Variants in GALNT11 observed in about 807,000 individuals in gnomAD.
The protein encoded by GALNT11 is polypeptide N-acetylgalactosaminyltransferase 11, also known as UDP-GalNAc:polypeptide N-acetylgalactosaminyltransferase 11.
GALNT11 carries 47 observed loss-of-function variants against 72.7 expected under a neutral mutation model. That is an observed-to-expected ratio of 0.65 (90% CI 0.51 to 0.82). The LOEUF is 0.82. Among genes scored for constraint, GALNT11 ranks in the 40% least tolerant of loss-of-function variants. The probability of loss-of-function intolerance (pLI) is 0.00; values close to 1 mark genes in which losing one functional copy is unlikely to be tolerated. For missense variants in GALNT11, 677 were observed against 778.4 expected (o/e 0.87, Z 1.55); for synonymous variants, 270 against 286.6 (o/e 0.94, Z 0.58).
intron 8 of GALNT11, among the ~76,000 whole-genome samples, chr7:152,114,024 G>T (rs533346968): frequency 6.6e-6 from 1 of 151,354 alleles, no homozygotes; most frequent in Non-Finnish European, 1.5e-5. Context: ...TTGGCCTCCC[G>T]AAGTGCTGGG....
intron 1 of GALNT11, among the ~76,000 whole-genome samples, chr7:152,045,371 C>T (rs926065905): frequency 6.6e-6 from 1 of 152,086 alleles, no homozygotes; most frequent in Non-Finnish European, 1.5e-5. Context: ...GGTATTAGTT[C>T]TTTAAAAGTT....
chr7:152,075,453 G>A (rs2084901231), intron 1 of GALNT11, among the ~76,000 whole-genome samples: 1 of 152,226 alleles, frequency 6.6e-6, no homozygotes, highest in East Asian at 1.9e-4. Flanking sequence ...TATCACCGGA[G>A]TAGTAAGGAT....
intron 9 of GALNT11, chr7:152,118,139 C>T (rs1563084520): frequency 1.3e-5 from 2 of 154,422 alleles, no homozygotes; most frequent in African/African-American, 4.8e-5. Flanking sequence ...AAAACAAACC[C>T]AGTATCAGGA....
chr7:152,120,901 G>C lies in GALNT11; in HGVS notation c.1628G>C (p.Arg543Pro). The change falls in exon 11 of 12, where the codon CGC becomes CCC. Residue 543 changes from arginine to proline, a missense_variant. Physicochemically the swap from Arg to Pro is moderately radical, Grantham distance 103 (BLOSUM62 -2). Coordinates refer to ENST00000430044, the MANE Select transcript of GALNT11 (RefSeq NM_022087.4). ...SLLCLDMSET[R>P]SSDPPRLMKC... ...CTTTGTCTAGATATGTCAGAGACTC[G>C]CTCATCAGACCCGCCACGGCTCATG... The C allele has an allele frequency of 6.2e-7, 1 of 1,613,466 alleles. No homozygotes were observed. Among genetic ancestry groups the C allele is most frequent in the Non-Finnish European group, 8.5e-7 (1 of 1,179,592 alleles).
intron 3 of GALNT11, among the ~76,000 whole-genome samples, chr7:152,101,480 G>T (rs2086882253): frequency 6.6e-6 from 1 of 152,116 alleles, no homozygotes; most frequent in Non-Finnish European, 1.5e-5. Context: ...ATGAGTAAGG[G>T]CTGTGACAGG....
Position 152,089,107 on chromosome 7 carries a change from T to C in GALNT11, c.-38-5083T>C, listed in dbSNP as rs539983904. On this transcript the variant is annotated intron_variant, in intron 1 of 11. Coordinates refer to ENST00000430044, the MANE Select transcript of GALNT11 (RefSeq NM_022087.4). ...AATCCATTTTCCTGAGGGCTCAGAGTTTAGGGTTTTTATGGACAGTTTGGT... is the reference window on the plus strand; with the variant it reads ...AATCCATTTTCCTGAGGGCTCAGAGCTTAGGGTTTTTATGGACAGTTTGGT... Among the ~76,000 whole-genome samples, 4 of 151,772 alleles carry C rather than the reference T, an allele frequency of 2.6e-5. 1 individual carries two copies. The South Asian group carries it at 8.4e-4, about 32-fold the overall frequency.
chr7:152,054,764 C>T (rs2083576512), intron 1 of GALNT11, among the ~76,000 whole-genome samples: 1 of 151,948 alleles, frequency 6.6e-6, no homozygotes, highest in Non-Finnish European at 1.5e-5. Flanking sequence ...AGCGATCCGC[C>T]CACCTCAGCC....
intron 1 of GALNT11, among the ~76,000 whole-genome samples, chr7:152,029,573 G>A (rs1051582561): frequency 3.3e-5 from 5 of 152,172 alleles, no homozygotes; most frequent in African/African-American, 7.2e-5. Flanking sequence ...ATAAGACCTC[G>A]TTCAGTCCAT....
Position 152,110,404 on chromosome 7 carries a change from A to G in GALNT11, c.963-124A>G, listed in dbSNP as rs140238045. On this transcript the variant is annotated intron_variant, in intron 6 of 11. Transcript: ENST00000430044. ...TCATTCTCTGATACTGGATAAAATG[A>G]TTCATAATCATTAATTCAATTTTTA... is the stretch of plus-strand genomic sequence containing the variant. 2.6e-3 allele frequency: 2,013 copies of G among 765,802 alleles called. 42 individuals are homozygous for G. In the East Asian group the frequency reaches 0.044, roughly 17 times the overall value. The allele number at this position is 765,802 out of a possible 1,614,324, so 47.4% of individuals were successfully genotyped here.
chr7:152,055,220 C>A (rs1262784533), intron 1 of GALNT11, among the ~76,000 whole-genome samples: 1 of 152,050 alleles, frequency 6.6e-6, no homozygotes, highest in Non-Finnish European at 1.5e-5. Context: ...CTCTGAGGTA[C>A]TGGGGGTTAG....
chr7:152,058,329 C>T (rs527502779), intron 1 of GALNT11, among the ~76,000 whole-genome samples: 2 of 151,556 alleles, frequency 1.3e-5, no homozygotes, highest in East Asian at 3.9e-4. Context: ...GTGGCAAGTT[C>T]TTTTTGTTTT....
intron 1 of GALNT11, among the ~76,000 whole-genome samples, chr7:152,028,154 G>A (rs1378773687): frequency 6.6e-6 from 1 of 152,206 alleles, no homozygotes; most frequent in Admixed American, 6.5e-5. Flanking sequence ...CCACAGCATG[G>A]AAGGGGACCC....
intron 5 of GALNT11, among the ~76,000 whole-genome samples, chr7:152,106,397 G>A (rs756281405): frequency 3.4e-4 from 52 of 152,056 alleles, no homozygotes; most frequent in Admixed American, 5.2e-4. Flanking sequence ...TTCACTTTTA[G>A]TATCTGTCTT....
At chr7:152,109,104 C>T (rs1401706443) in intron 6 of GALNT11, among the ~76,000 whole-genome samples, 1 of 152,226 alleles carries the variant, frequency 6.6e-6, no homozygotes, top group Non-Finnish European at 1.5e-5. Flanking sequence ...CACAGGCTTG[C>T]CCAAGTATCT....
At position 152,105,311 on chromosome 7, in the gene GALNT11, G is replaced by A. The variant is rs1477762828; in HGVS notation, c.653G>A (p.Arg218Lys). Residue 218 changes from arginine to lysine, a missense_variant, in exon 5 of 12, where the codon AGA becomes AAA. Transcript: ENST00000430044. Reference protein sequence around the residue: ...KYLPGKIKVIRNTKREGLIRG... With the variant: ...KYLPGKIKVIKNTKREGLIRG... ...CTCCCTGGAAAAATTAAAGTCATAA[G>A]AAATACAAAGCGTGAGGGGTTGATT... 4 of 1,614,026 alleles carry A rather than the reference G, an allele frequency of 2.5e-6. No homozygotes were observed. The highest frequency in any genetic ancestry group is 1.7e-5 in the Admixed American group (1 of 59,954).
chr7:152,112,542 A>G (rs945569602), intron 7 of GALNT11, among the ~76,000 whole-genome samples: 1 of 147,842 alleles, frequency 6.8e-6, no homozygotes, highest in Non-Finnish European at 1.5e-5. Context: ...TGTCTCAACA[A>G]AAAAAAAAAA....
chr7:152,098,862 C>A (rs1326391363), intron 2 of GALNT11, among the ~76,000 whole-genome samples: 1 of 152,152 alleles, frequency 6.6e-6, no homozygotes, highest in Admixed American at 6.5e-5. Flanking sequence ...GAAACAGTTT[C>A]AGAGAGAAGG....
chr7:152,077,126 C>T (rs577433824), intron 1 of GALNT11, among the ~76,000 whole-genome samples: 3 of 152,314 alleles, frequency 2.0e-5, no homozygotes, highest in Admixed American at 1.3e-4. Context: ...GTTTGATTTG[C>T]TGATGTTCTT....
intron 10 of GALNT11, 191 bp downstream of exon 10, chr7:152,118,973 C>T (rs545067513): frequency 2.7e-4 from 107 of 399,738 alleles, no homozygotes; most frequent in Non-Finnish European, 4.4e-4. Flanking sequence ...TCAAGGTCAC[C>T]GCCAGGGTCT....
Sources: gnomAD v4.1 joint callset for allele counts (sites outside exome capture counted in the v4.1 genomes callset) on GRCh38, gnomAD v4.1.1 for gene constraint, MANE v1.5 for transcripts, NCBI Gene and HGNC (gene_info 2026-07-23, HGNC 2026-07-21) for gene names.